HTR1E: variants seen among roughly 807,000 people sequenced by gnomAD.
HTR1E encodes 5-hydroxytryptamine receptor 1E, also known as 5-HT-1E.
Under a neutral mutation model 3.4 loss-of-function variants are expected in HTR1E, and 3 were observed. The ratio of observed to expected loss-of-function variants is 0.89; its 90% CI spans 0.41 to 2.31. The LOEUF (loss-of-function observed/expected upper bound fraction) is 2.31, where lower values mean the gene tolerates loss of function less well. Ranked by LOEUF, HTR1E falls within the 30% of genes most tolerant of loss-of-function variation. The probability of loss-of-function intolerance (pLI) is 0.05; values close to 1 mark genes in which losing one functional copy is unlikely to be tolerated. For synonymous variants in HTR1E, 170 were observed against 182.8 expected (o/e 0.93, Z 0.56); for missense variants, 392 against 467.0 (o/e 0.84, Z 1.48).
In HTR1E at chr6:87,015,875, A is replaced by G; in HGVS notation, c.541A>G (p.Ile181Val). 1 of 1,613,538 alleles carries G rather than the reference A, an allele frequency of 6.2e-7. No homozygotes were observed. Among genetic ancestry groups the G allele is most frequent in the Non-Finnish European group, 8.5e-7 (1 of 1,179,710 alleles). Reference protein sequence around the residue: ...SQCTIQHDHVIYTIYSTLGAF... With the variant: ...SQCTIQHDHVVYTIYSTLGAF... ...GTGCACCATCCAGCACGACCATGTT[A>G]TCTACACCATTTACTCCACGCTGGG... is the stretch of plus-strand genomic sequence containing the variant. The change falls in exon 2 of 2, where the codon ATC becomes GTC. Residue 181 changes from isoleucine (I) to valine (V), a missense_variant. Physicochemically the swap from Ile to Val is conservative, Grantham distance 29 (BLOSUM62 3). Around this residue, in one of 3 missense-constraint regions of HTR1E, gnomAD observed 189 missense variants for 258.0 expected, o/e 0.73. Coordinates refer to ENST00000305344, the MANE Select transcript of HTR1E (RefSeq NM_000865.3).
In HTR1E at chr6:86,937,592, C is replaced by A. The variant is rs1396027114; in HGVS notation, c.-417C>A. On this transcript the variant is annotated 5_prime_UTR_variant, in exon 1 of 2. Coordinates refer to ENST00000305344, the MANE Select transcript of HTR1E (RefSeq NM_000865.3). ...ACCAGCGGTGCCTCGGGCTGCCCGGCGCGCCGCGCTCCCAGGTTCTGTCTC... is the reference window on the plus strand; with the variant it reads ...ACCAGCGGTGCCTCGGGCTGCCCGGAGCGCCGCGCTCCCAGGTTCTGTCTC... The A allele has an allele frequency of 6.5e-6, 1 of 152,694 alleles. No individual in the cohort carries two copies. 9.5% of individuals were successfully genotyped at this position (152,694 alleles called of 1,614,324 possible). A position where few individuals can be genotyped will look rare whatever the true frequency, so the allele number is the denominator to read the frequency against.
intron 1 of HTR1E, among the ~76,000 whole-genome samples, chr6:86,974,587 G>T (rs1034973736): frequency 6.6e-6 from 1 of 152,064 alleles, no homozygotes; most frequent in African/African-American, 2.4e-5. Context: ...CTTATTAAAT[G>T]GTGCATGATT....
intron 1 of HTR1E, among the ~76,000 whole-genome samples, chr6:86,987,192 C>T (rs901143303): frequency 2.0e-5 from 3 of 152,098 alleles, no homozygotes; most frequent in African/African-American, 7.2e-5. Context: ...CAATCTTAGC[C>T]CAACACAGTG....
chr6:87,009,570 TG>T, intron 1 of HTR1E, among the ~76,000 whole-genome samples: 1 of 148,834 alleles, frequency 6.7e-6, no homozygotes, highest in East Asian at 2.1e-4. Context: ...CTCAATGAGC[TG>T]TTGGGCACAC....
intron 1 of HTR1E, among the ~76,000 whole-genome samples, chr6:86,952,930 G>T (rs1446291291): frequency 1.3e-5 from 2 of 152,196 alleles, no homozygotes; most frequent in Non-Finnish European, 2.9e-5. Flanking sequence ...AGGATTGCAA[G>T]AAAGGTGAAG....
At chr6:86,970,470 A>C (rs1423818724) in intron 1 of HTR1E, 2 of 156,486 alleles carry the variant, frequency 1.3e-5, no homozygotes, top group African/African-American at 4.8e-5. Context: ...TGTGCCAAAG[A>C]GAAGAAGGTT....
chr6:86,969,454 C>A (rs956021887), intron 1 of HTR1E, among the ~76,000 whole-genome samples: 3 of 152,234 alleles, frequency 2.0e-5, no homozygotes, highest in Non-Finnish European at 2.9e-5. Flanking sequence ...ACCTACCTCT[C>A]TAGCCCAGCG....
intron 1 of HTR1E, among the ~76,000 whole-genome samples, chr6:86,944,021 G>A (rs764770886): frequency 5.3e-5 from 8 of 152,292 alleles, no homozygotes; most frequent in South Asian, 2.1e-4. Flanking sequence ...TCACGTGGCT[G>A]TTGACAAGCC....
chr6:86,955,291 A>G (rs1767304534), intron 1 of HTR1E, among the ~76,000 whole-genome samples: 1 of 152,204 alleles, frequency 6.6e-6, no homozygotes, highest in Non-Finnish European at 1.5e-5. Flanking sequence ...ATTTTCTGTC[A>G]CTGCTATTCT....
intron 1 of HTR1E, among the ~76,000 whole-genome samples, chr6:86,995,676 AAAAAAAAAAAAGAAAAAAAAAAAAAAAAG>A (rs1767929925): frequency 1.6e-5 from 1 of 63,746 alleles, no homozygotes; most frequent in Non-Finnish European, 4.4e-5. Flanking sequence ...AAAAAAAAAA[AAAAAAAAAAAAGAAAAAAAAAAAAAAAAG>A]AAAACATGAC....
chr6:86,946,103 G>GA (rs796077014), intron 1 of HTR1E, among the ~76,000 whole-genome samples: 15 of 152,138 alleles, frequency 9.9e-5, no homozygotes, highest in African/African-American at 2.4e-4. Flanking sequence ...ATTGGAGAGA[G>GA]AAAAAATGGT....
intron 1 of HTR1E, among the ~76,000 whole-genome samples, chr6:86,961,461 G>C (rs1484820030): frequency 5.9e-5 from 9 of 152,170 alleles, no homozygotes; most frequent in Non-Finnish European, 1.2e-4. Flanking sequence ...AATTATATGA[G>C]TTTAATTTGC....
At chr6:86,997,236 T>C (rs1476668542) in intron 1 of HTR1E, among the ~76,000 whole-genome samples, 1 of 151,974 alleles carries the variant, frequency 6.6e-6, no homozygotes, top group Admixed American at 6.6e-5. Context: ...AAAGTTAACA[T>C]GATTCTTAAT....
intron 1 of HTR1E, among the ~76,000 whole-genome samples, chr6:87,002,655 C>T (rs9353442): frequency 0.18 from 27,749 of 151,248 alleles, 3,260 homozygotes; most frequent in African/African-American, 0.32. Flanking sequence ...GAGTGCTGAT[C>T]GGTGCATTTT....
intron 1 of HTR1E, among the ~76,000 whole-genome samples, chr6:86,948,978 T>A (rs1206571456): frequency 1.4e-5 from 2 of 141,300 alleles, no homozygotes; most frequent in Non-Finnish European, 1.6e-5. Flanking sequence ...AGTTTCTGGA[T>A]CCACCTGTGC....
At chr6:86,939,340 C>T (rs774212434) in intron 1 of HTR1E, among the ~76,000 whole-genome samples, 2 of 152,184 alleles carry the variant, frequency 1.3e-5, no homozygotes, top group Admixed American at 6.5e-5. Flanking sequence ...TTGCATAGCA[C>T]CTCACCACTA....
At chr6:86,939,879 G>A (rs755512014) in intron 1 of HTR1E, among the ~76,000 whole-genome samples, 11 of 152,200 alleles carry the variant, frequency 7.2e-5, no homozygotes, top group South Asian at 4.1e-4. Flanking sequence ...GCAACTCAGC[G>A]TGATGTCACC....
At chr6:86,963,728 T>C (rs530000271) in intron 1 of HTR1E, among the ~76,000 whole-genome samples, 22 of 152,366 alleles carry the variant, frequency 1.4e-4, no homozygotes, top group African/African-American at 5.3e-4. Context: ...TAACATGCTA[T>C]ACAGGTTTGT....
chr6:87,008,027 T>C (rs1263542282), intron 1 of HTR1E, among the ~76,000 whole-genome samples: 2 of 152,184 alleles, frequency 1.3e-5, no homozygotes, highest in Admixed American at 6.5e-5. Context: ...CAAAACATTG[T>C]GACAACAAAA....
Sources: allele counts gnomAD v4.1 joint callset (sites outside exome capture counted in the v4.1 genomes callset), GRCh38; gene constraint gnomAD v4.1.1; regional missense constraint gnomAD v4.1.1; transcripts MANE v1.5; gene names NCBI Gene and HGNC (gene_info 2026-07-23, HGNC 2026-07-21).